The following SPON2 variants were observed in gnomAD, a reference collection of about 807,000 sequenced individuals.
SPON2 encodes the protein spondin 2.
SPON2 carries 32 observed loss-of-function variants against 29.9 expected under a neutral mutation model. The observed-to-expected ratio is 1.07, with a 90% CI of 0.81 to 1.44. SPON2 has a LOEUF of 1.44. Among genes scored for constraint, SPON2 ranks in the 40% most tolerant of loss-of-function variants. The pLI is 0.00. For missense variants in SPON2, 541 were observed against 455.5 expected (o/e 1.19, Z -1.71); for synonymous variants, 248 against 209.1 (o/e 1.19, Z -1.61).
chr4:1,176,417 T>C (rs1357289882), upstream of SPON2, among the ~76,000 whole-genome samples: 2 of 152,038 alleles, frequency 1.3e-5, no homozygotes, highest in East Asian at 3.9e-4. Context: ...CTTTCATTCA[T>C]CCACCCATTC....
intron 5 of SPON2, chr4:1,169,741 G>C (rs1305462186): frequency 6.5e-6 from 1 of 152,730 alleles, no homozygotes; most frequent in Non-Finnish European, 1.5e-5. Flanking sequence ...TACACTGACT[G>C]TCCCACACCC....
At chr4:1,174,919 C>T (rs1174669895), upstream of SPON2, among the ~76,000 whole-genome samples, 1 of 152,154 alleles carries the variant, frequency 6.6e-6, no homozygotes, top group Non-Finnish European at 1.5e-5. Context: ...TGGCCTGCAG[C>T]CCTCGAAAGC....
upstream of SPON2, among the ~76,000 whole-genome samples, chr4:1,176,738 T>C (rs1169369729): frequency 6.6e-6 from 1 of 151,828 alleles, no homozygotes; most frequent in Non-Finnish European, 1.5e-5. Context: ...ATTCACACAG[T>C]ACATTCATGC....
In SPON2 at chr4:1,171,921, A is replaced by G. The variant is rs1248963850; in HGVS notation, c.151T>C (p.Trp51Arg). Residue 51 changes from tryptophan (W) to arginine (R), a missense_variant, in exon 2 of 6, where the codon TGG (tryptophan) becomes CGG (arginine). Coordinates refer to ENST00000290902, the MANE Select transcript of SPON2 (RefSeq NM_012445.4). Reference sequence around the variant, plus strand: ...TGCTTGGGGAAGGCCGTCTGGCTCCACTTGCCCGTGAAGGTGATGCTGTAT... The same window carrying G: ...TGCTTGGGGAAGGCCGTCTGGCTCCGCTTGCCCGTGAAGGTGATGCTGTAT... ...AKYSITFTGKWSQTAFPKQYP... is the reference protein window; with the variant it reads ...AKYSITFTGKRSQTAFPKQYP... 1 of 1,612,708 alleles carries G rather than the reference A, an allele frequency of 6.2e-7. No individual in the cohort carries two copies.
intron 5 of SPON2, among the ~76,000 whole-genome samples, chr4:1,168,597 G>C (rs1727322394): frequency 6.6e-6 from 1 of 152,200 alleles, no homozygotes; most frequent in South Asian, 2.1e-4. Context: ...AGAAGCCAGA[G>C]AGCCAGGGCC....
chr4:1,175,969 G>A (rs540109919), upstream of SPON2, among the ~76,000 whole-genome samples: 15 of 152,262 alleles, frequency 9.9e-5, no homozygotes, highest in East Asian at 1.5e-3. Context: ...GCACGCCTGC[G>A]AAGGCCCTAG....
chr4:1,195,077 G>GCAGCCGGCGGCCTCACCTCA (rs1728031040), exon 1 of SPON2: 1 of 62,564 alleles, frequency 1.6e-5, no homozygotes. Context: ...CTCCAACCCC[G>GCAGCCGGCGGCCTCACCTCA]CAGCCGGCGG....
chr4:1,190,390 A>G (rs187204639), intron 1 of SPON2, among the ~76,000 whole-genome samples: 12 of 152,310 alleles, frequency 7.9e-5, no homozygotes, highest in Admixed American at 3.3e-4. Context: ...ATTAATACCA[A>G]TCCTTCATAA....
chr4:1,193,791 GGGGGGGTGGCGTGGGAAGGACGT>G (rs1182435388), intron 1 of SPON2, among the ~76,000 whole-genome samples: 161 of 6,588 alleles, frequency 0.024, 5 homozygotes, highest in Middle Eastern at 0.045. Flanking sequence ...GGAAGGACGT[GGGGGGGTGGCGTGGGAAGGACGT>G]GGGGGGGTGG....
At chr4:1,198,458 A>G (rs1290511113), upstream of SPON2, among the ~76,000 whole-genome samples, 1 of 152,224 alleles carries the variant, frequency 6.6e-6, no homozygotes, top group South Asian at 2.1e-4. Context: ...TGAAACCAGG[A>G]TAATCTAATT....
intron 1 of SPON2, chr4:1,200,877 C>G (rs1728183902): frequency 2.2e-6 from 1 of 456,574 alleles, no homozygotes; most frequent in African/African-American, 2.0e-5. Context: ...CCAGGCCTGA[C>G]CCTGACCACT....
chr4:1,170,830 G>A, intron 4 of SPON2, 169 bp downstream of exon 4: 1 of 1,064,312 alleles, frequency 9.4e-7, no homozygotes, highest in Non-Finnish European at 1.4e-6. Flanking sequence ...GGGAGAGTAT[G>A]GGAGGGCTGC....
rs972558890 is a variant in SPON2, at chr4:1,172,534, C to T, written c.-4+10G>A. On this transcript the variant is annotated intron_variant, in intron 1 of 5. Coordinates refer to ENST00000290902, the MANE Select transcript of SPON2 (RefSeq NM_012445.4). ...CCTCTCTGGGTGTCCCGGGGGCACG[C>T]AGTACTCACCCGGCAGGAGCAGCGG... The T allele has an allele frequency of 5.8e-6, 1 of 173,458 alleles. No individual in the cohort carries two copies. Among genetic ancestry groups the T allele is most frequent in the Non-Finnish European group, 1.2e-5 (1 of 81,986 alleles). 10.7% of individuals were successfully genotyped at this position (173,458 alleles called of 1,614,324 possible). A position where few individuals can be genotyped will look rare whatever the true frequency, so the allele number is the denominator to read the frequency against.
rs1236572475 is a variant in SPON2, at chr4:1,185,704, T to C, written c.-238-6163A>G. On this transcript the variant is annotated intron_variant, in intron 1 of 3. Transcript: ENST00000502483. ...GCCTCGGCAGCAGAGTGAGACTCCA[T>C]CTCCAAAAAAAAAAAGAATGAAGTT... Among the ~76,000 whole-genome samples, 3 of 2,288 alleles carry C rather than the reference T, an allele frequency of 1.3e-3. No homozygotes were observed. In the Non-Finnish European group the frequency reaches 0.075, roughly 57 times the overall value. The allele number at this position is 2,288 out of a possible 152,430, so 1.5% of individuals were successfully genotyped here.
At chr4:1,205,469 G>A (rs1354918653) in intron 1 of SPON2, among the ~76,000 whole-genome samples, 1 of 152,206 alleles carries the variant, frequency 6.6e-6, no homozygotes, top group Non-Finnish European at 1.5e-5. Flanking sequence ...GCTTTGTCCA[G>A]GGAGAGCCGT....
intron 2 of SPON2, 70 bp from the exon 3 acceptor site, chr4:1,171,556 G>GC: frequency 6.8e-7 from 1 of 1,472,104 alleles, no homozygotes; most frequent in Non-Finnish European, 9.3e-7. Flanking sequence ...TCCAGGGGGC[G>GC]CCCCAGGAAA....
At chr4:1,197,038 G>A (rs1020304533), upstream of SPON2, 1 of 152,232 alleles carries the variant, frequency 6.6e-6, no homozygotes, top group Non-Finnish European at 1.5e-5. Flanking sequence ...TCCAAACATG[G>A]GAGCTAAACT....
At chr4:1,204,113 C>A (rs567855758) in intron 1 of SPON2, among the ~76,000 whole-genome samples, 6 of 152,244 alleles carry the variant, frequency 3.9e-5, no homozygotes, top group South Asian at 4.2e-4. Flanking sequence ...CTCAAATGGT[C>A]CCCCCAGCTT....
chr4:1,186,105 G>C (rs975445991), intron 1 of SPON2, among the ~76,000 whole-genome samples: 3 of 149,990 alleles, frequency 2.0e-5, no homozygotes, highest in Admixed American at 6.7e-5. Flanking sequence ...TTAGCCGGGC[G>C]TGGTGGTGGG....
Sources: gnomAD v4.1 joint callset for allele counts (sites outside exome capture counted in the v4.1 genomes callset) on GRCh38, gnomAD v4.1.1 for gene constraint, MANE v1.5 for transcripts, NCBI Gene and HGNC (gene_info 2026-07-23, HGNC 2026-07-21) for gene names.